Variants in TASP1 observed in about 807,000 individuals in gnomAD.
The protein encoded by TASP1 is taspase 1, also known as threonine aspartase 1.
A neutral mutation model predicts 56.6 loss-of-function variants in TASP1; 16 were observed. The observed-to-expected ratio is 0.28, with a 90% confidence interval of 0.19 to 0.43. The LOEUF (loss-of-function observed/expected upper bound fraction) is 0.43. Among genes scored for constraint, TASP1 ranks in the 20% least tolerant of loss-of-function variants. The probability of loss-of-function intolerance (pLI) is 1.00; values close to 1 mark genes in which losing one functional copy is unlikely to be tolerated. For synonymous variants in TASP1, 179 were observed against 184.2 expected (o/e 0.97, Z 0.23); for missense variants, 393 against 511.6 (o/e 0.77, Z 2.24).
chr20:13,125,339 A>C, the TASP1 span, among the ~76,000 whole-genome samples: 18 of 152,184 alleles, frequency 1.2e-4, no homozygotes. Flanking sequence ...CAAAACACAA[A>C]ATTCCAATAG....
chr20:13,119,890 T>C, the TASP1 span, among the ~76,000 whole-genome samples: 1 of 152,224 alleles, frequency 6.6e-6, no homozygotes, highest in African/African-American at 2.4e-5. Flanking sequence ...TACACACCTG[T>C]GTGGAATGAT....
chr20:13,355,831 T>G, the TASP1 span, among the ~76,000 whole-genome samples: 1 of 152,204 alleles, frequency 6.6e-6, no homozygotes, highest in South Asian at 2.1e-4. Flanking sequence ...TGTAATTCTT[T>G]CTGCTCTCCC....
chr20:13,188,801 C>A, the TASP1 span, among the ~76,000 whole-genome samples: 1 of 152,332 alleles, frequency 6.6e-6, no homozygotes, highest in African/African-American at 2.4e-5. Flanking sequence ...AGACTCCATA[C>A]TTCTGCATTT....
At chr20:13,116,185 G>A in the TASP1 span, among the ~76,000 whole-genome samples, 1 of 152,108 alleles carries the variant, frequency 6.6e-6, no homozygotes, top group Non-Finnish European at 1.5e-5. Flanking sequence ...CAGCTGGACT[G>A]TTTTGACTGA....
the TASP1 span, among the ~76,000 whole-genome samples, chr20:13,304,124 T>A: frequency 6.6e-6 from 1 of 152,126 alleles, no homozygotes; most frequent in Non-Finnish European, 1.5e-5. Context: ...ACTTGTAAAG[T>A]TTTTTGTAGG....
chr20:13,481,482 T>C (rs890350615), intron 11 of TASP1, among the ~76,000 whole-genome samples: 4 of 152,304 alleles, frequency 2.6e-5, no homozygotes, highest in East Asian at 1.9e-4. Flanking sequence ...TTTTAGATTT[T>C]TGAGGAACCT....
At chr20:13,393,579 A>C in intron 13 of TASP1, 1 of 921,498 alleles carries the variant, frequency 1.1e-6, no homozygotes, top group Non-Finnish European at 1.8e-6. Flanking sequence ...TGCCCTCAAC[A>C]ACCACCTTGT....
chr20:13,296,295 G>A, the TASP1 span, among the ~76,000 whole-genome samples: 1 of 152,134 alleles, frequency 6.6e-6, no homozygotes, highest in Admixed American at 6.5e-5. Flanking sequence ...GAATGCACAG[G>A]GCATTCCTAG....
At chr20:13,494,235 C>CT (rs1416137957) in intron 10 of TASP1, among the ~76,000 whole-genome samples, 2 of 152,280 alleles carry the variant, frequency 1.3e-5, no homozygotes, top group East Asian at 3.9e-4. Context: ...AAATGAGTCA[C>CT]TTATGACATC....
At chr20:13,241,437 G>A in the TASP1 span, among the ~76,000 whole-genome samples, 1 of 152,290 alleles carries the variant, frequency 6.6e-6, no homozygotes, top group Admixed American at 6.5e-5. Context: ...AAAACTGAGA[G>A]AGGAGAAATG....
intron 8 of TASP1, among the ~76,000 whole-genome samples, chr20:13,544,606 A>C (rs1185752485): frequency 6.6e-6 from 1 of 152,228 alleles, no homozygotes; most frequent in African/African-American, 2.4e-5. Flanking sequence ...TTAAAAATAC[A>C]AAGCTAGACA....
chr20:13,246,893 T>A, the TASP1 span, among the ~76,000 whole-genome samples: 3 of 152,092 alleles, frequency 2.0e-5, no homozygotes, highest in Non-Finnish European at 2.9e-5. Context: ...CTTTTTTTTT[T>A]AAACCATTCC....
chr20:13,591,192 T>G (rs964438679), intron 4 of TASP1, among the ~76,000 whole-genome samples: 57 of 151,978 alleles, frequency 3.8e-4, no homozygotes, highest in Non-Finnish European at 5.9e-4. Flanking sequence ...ATAAAAATAT[T>G]AGCCAAAAAT....
chr20:13,634,068 C>T (rs1400089779), intron 1 of TASP1, among the ~76,000 whole-genome samples: 7 of 152,138 alleles, frequency 4.6e-5, no homozygotes, highest in Non-Finnish European at 1.0e-4. Context: ...GAACTAAAAA[C>T]ATATGCTACA....
the TASP1 span, chr20:13,221,683 G>GCCGGGCTC: frequency 1.8e-6 from 2 of 1,116,016 alleles, no homozygotes; most frequent in East Asian, 3.5e-5. Context: ...GAGCCGCGCT[G>GCCGGGCTC]CCGGGCTCCC....
the TASP1 span, chr20:13,164,875 G>A: frequency 3.7e-6 from 6 of 1,607,776 alleles, no homozygotes; most frequent in African/African-American, 8.0e-5. Context: ...TAAGTTTCCT[G>A]GTCCTGAATG....
At chr20:13,488,344 T>G (rs569808317) in intron 10 of TASP1, among the ~76,000 whole-genome samples, 81 of 151,962 alleles carry the variant, frequency 5.3e-4, no homozygotes, top group Non-Finnish European at 1.1e-3. Context: ...ATTCAAAAAT[T>G]TTTAAATTAA....
the TASP1 span, chr20:13,126,564 T>A: frequency 1.2e-6 from 2 of 1,612,024 alleles, no homozygotes; most frequent in Non-Finnish European, 1.7e-6. Context: ...ATTTGCCTTC[T>A]TTTTGGGTTT....
chr20:13,299,201 G>T, the TASP1 span: 2 of 1,603,200 alleles, frequency 1.2e-6, no homozygotes, highest in Non-Finnish European at 1.7e-6. The surrounding 1 kb of genome is among the most constrained non-coding windows in gnomAD (Gnocchi z 5.8). Context: ...AGAGCACCAC[G>T]CTGGCGGCAC....
Sources: gnomAD v4.1 joint callset for allele counts (sites outside exome capture counted in the v4.1 genomes callset) on GRCh38, gnomAD v4.1.1 for gene constraint, Gnocchi (gnomAD v3.1) non-coding constraint, MANE v1.5 for transcripts, NCBI Gene and HGNC (gene_info 2026-07-23, HGNC 2026-07-21) for gene names.